FBXO31: variants seen among roughly 807,000 people sequenced by gnomAD.
FBXO31 encodes the protein F-box only protein 31.
FBXO31 carries 24 observed loss-of-function variants against 54.4 expected under a neutral mutation model. That is an observed-to-expected ratio of 0.44 (90% confidence interval 0.32 to 0.62). FBXO31 has a LOEUF of 0.62. FBXO31 is among the 20% of genes least tolerant of loss of function. The pLI, the probability that FBXO31 is intolerant of heterozygous loss-of-function variation, is 0.05. For missense variants in FBXO31, 665 were observed against 787.1 expected, an observed-to-expected ratio of 0.84 and a Z score of 1.86; for synonymous variants, 388 against 335.6, an observed-to-expected ratio of 1.16 and a Z score of -1.71.
At chr16:87,343,106 G>C (rs1394160954) in intron 4 of FBXO31, among the ~76,000 whole-genome samples, 155 bp from the exon 5 acceptor site, 2 of 152,226 alleles carry the variant, frequency 1.3e-5, no homozygotes, top group Non-Finnish European at 2.9e-5. Context: ...TGCCAGCGGA[G>C]GGAGCTGAGT....
chr16:87,351,379 T>C (rs1477093433), intron 2 of FBXO31, among the ~76,000 whole-genome samples: 3 of 152,140 alleles, frequency 2.0e-5, no homozygotes, highest in East Asian at 3.9e-4. Context: ...ATTCGGAGGA[T>C]GCAGTCCTCC....
upstream of FBXO31, among the ~76,000 whole-genome samples, chr16:87,385,041 CAGG>C (rs1907278458): frequency 6.6e-6 from 1 of 151,672 alleles, no homozygotes; most frequent in Non-Finnish European, 1.5e-5. Flanking sequence ...CCACACAGGC[CAGG>C]CGCAGTGGCT....
intron 1 of FBXO31, among the ~76,000 whole-genome samples, chr16:87,370,485 G>A (rs928460949): frequency 6.6e-6 from 1 of 152,206 alleles, no homozygotes; most frequent in African/African-American, 2.4e-5. Flanking sequence ...TGGGGCACTC[G>A]ACACCAGGGA....
chr16:87,351,022 T>G (rs1231901252), intron 2 of FBXO31, among the ~76,000 whole-genome samples: 1 of 152,206 alleles, frequency 6.6e-6, no homozygotes, highest in African/African-American at 2.4e-5. Context: ...GTCGGCTCCT[T>G]TAGTCTGTGA....
At position 87,334,096 on chromosome 16, in the gene FBXO31, C is replaced by T. The variant is rs1181584872; in HGVS notation, c.1187G>A (p.Gly396Asp). Residue 396 changes from glycine to aspartate, a missense_variant, in exon 8 of 9, where the codon GGC (glycine) becomes GAC (aspartate). Physicochemically the swap from Gly to Asp is moderately conservative, Grantham distance 94 (BLOSUM62 -1). Coordinates refer to ENST00000311635, the MANE Select transcript of FBXO31 (RefSeq NM_024735.5). ...HEAGEGRGRQ[G>D]PRESQPSPAQ... ...AGGGCTTGGCTGGGACTCCCGGGGG[C>T]CCTGCCGGCCACGACCCTCGCCCGC... is the stretch of plus-strand genomic sequence containing the variant. 2.5e-6 allele frequency: 4 copies of T among 1,610,156 alleles called. No homozygotes were observed. The highest frequency in any genetic ancestry group is 1.1e-5 in the South Asian group (1 of 90,882).
intron 2 of FBXO31, among the ~76,000 whole-genome samples, chr16:87,351,510 G>A (rs1015026032): frequency 1.3e-5 from 2 of 152,160 alleles, no homozygotes. Context: ...CTTCCTGCAA[G>A]CCCAGGCCAC....
At chr16:87,359,120 T>C (rs1012918706) in intron 2 of FBXO31, among the ~76,000 whole-genome samples, 1 of 152,208 alleles carries the variant, frequency 6.6e-6, no homozygotes, top group Admixed American at 6.5e-5. Context: ...GACATTTGCT[T>C]TGGCCACTGC....
At chr16:87,381,719 C>T (rs1907085741) in intron 1 of FBXO31, among the ~76,000 whole-genome samples, 1 of 152,166 alleles carries the variant, frequency 6.6e-6, no homozygotes, top group South Asian at 2.1e-4. Flanking sequence ...AATCCACAAT[C>T]CCACTTGAGG....
upstream of FBXO31, chr16:87,383,964 GCC>G: frequency 3.9e-6 from 1 of 255,350 alleles, no homozygotes; most frequent in Non-Finnish European, 7.3e-6. The surrounding 1 kb of genome is among the most constrained non-coding windows in gnomAD (Gnocchi z 4.9). Context: ...GCGTGAGGGC[GCC>G]GCCCGTGACG....
chr16:87,360,241 T>G (rs1314099680), intron 2 of FBXO31, 54 bp downstream of exon 2: 1 of 1,498,982 alleles, frequency 6.7e-7, no homozygotes, highest in East Asian at 2.3e-5. Context: ...TGATGTGCAC[T>G]GTCTGCTTCT....
rs1311585411 is a variant in FBXO31, at chr16:87,383,391, C to A, written c.340+14G>T. On this transcript the variant is annotated intron_variant, in intron 1 of 8. Coordinates refer to ENST00000311635, the MANE Select transcript of FBXO31 (RefSeq NM_024735.5). The surrounding 1 kb of genome is among the most constrained non-coding windows in gnomAD (Gnocchi z 4.9). ...CCCCCGCCCCTCCCGGCCCCGCCAC[C>A]CCCGCGCGCTCACCCTCACGGCAAC... The A allele has an allele frequency of 1.3e-6, 2 of 1,529,794 alleles. No homozygotes were observed. Among genetic ancestry groups the A allele is most frequent in the Non-Finnish European group, 1.8e-6 (2 of 1,138,904 alleles). 94.8% of individuals were successfully genotyped at this position (1,529,794 alleles called of 1,614,324 possible).
rs72804084 is a variant in FBXO31 at position 87,333,346 on chromosome 16, C to T, written c.1397+540G>A. Among the ~76,000 whole-genome samples the T allele has an allele frequency of 9.3e-3, 1,415 of 152,334 alleles. 8 individuals carry two copies. The highest frequency in any genetic ancestry group is 0.016 in the Non-Finnish European group (1,076 of 68,038). On this transcript the variant is annotated intron_variant, in intron 8 of 8. Transcript: ENST00000311635. ...AGGCACTGGCCCGGCACAGCAGAGG[C>T]AGGCAGGCACAGAGGAGGGAGGGGG...
chr16:87,337,874 C>A (rs1905080583), intron 5 of FBXO31, among the ~76,000 whole-genome samples: 1 of 151,376 alleles, frequency 6.6e-6, no homozygotes, highest in Non-Finnish European at 1.5e-5. Context: ...TATTTTAGGA[C>A]TCAATTTTTA....
chr16:87,340,995 A>T (rs1405696238), intron 5 of FBXO31, among the ~76,000 whole-genome samples: 1 of 152,200 alleles, frequency 6.6e-6, no homozygotes, highest in Non-Finnish European at 1.5e-5. Flanking sequence ...GGCTATGACC[A>T]GACAGTTCAT....
chr16:87,363,150 C>T (rs1418622057), intron 1 of FBXO31, among the ~76,000 whole-genome samples: 2 of 152,004 alleles, frequency 1.3e-5, no homozygotes, highest in African/African-American at 2.4e-5. Context: ...TTTGGGAGGT[C>T]GAGGTGGGAA....
rs1001491912 is a variant in FBXO31 at position 87,334,414 on chromosome 16, T to C, written c.997-128A>G. 1.3e-5 allele frequency: 10 copies of C among 798,588 alleles called. 1 individual carries two copies. The highest frequency in any genetic ancestry group is 5.7e-5 in the Admixed American group (2 of 34,822). 49.5% of individuals were successfully genotyped at this position (798,588 alleles called of 1,614,324 possible). Reference sequence around the variant, plus strand: ...CAGCCCTCCTACTGACTTAGCAACGTCCCTTACAGAAGAAGAAGTCTCAGA... The same window carrying C: ...CAGCCCTCCTACTGACTTAGCAACGCCCCTTACAGAAGAAGAAGTCTCAGA... On this transcript the variant is annotated intron_variant, in intron 7 of 8. Coordinates refer to ENST00000311635, the MANE Select transcript of FBXO31 (RefSeq NM_024735.5).
At chr16:87,379,456 C>G (rs952970692) in intron 1 of FBXO31, among the ~76,000 whole-genome samples, 2 of 152,174 alleles carry the variant, frequency 1.3e-5, no homozygotes, top group East Asian at 3.8e-4. Flanking sequence ...ACCTTTGAAC[C>G]TCAGCACATG....
At chr16:87,360,757 A>G (rs1286158143) in intron 1 of FBXO31, among the ~76,000 whole-genome samples, 1 of 152,238 alleles carries the variant, frequency 6.6e-6, no homozygotes, top group Non-Finnish European at 1.5e-5. Flanking sequence ...GGGTTCAGAC[A>G]GTGCCAGAGG....
At chr16:87,365,782 C>T (rs1026645439) in intron 1 of FBXO31, among the ~76,000 whole-genome samples, 1 of 152,284 alleles carries the variant, frequency 6.6e-6, no homozygotes. Context: ...CCTGTAATCC[C>T]AGCACTTTGG....
Sources: gnomAD v4.1 joint callset for allele counts (sites outside exome capture counted in the v4.1 genomes callset) on GRCh38, gnomAD v4.1.1 for gene constraint, Gnocchi (gnomAD v3.1) non-coding constraint, MANE v1.5 for transcripts, NCBI Gene and HGNC (gene_info 2026-07-23, HGNC 2026-07-21) for gene names.